ZNF281: variants seen among roughly 807,000 people sequenced by gnomAD.
The protein encoded by ZNF281 is zinc finger protein 281, also known as GC-box-binding zinc finger protein 1.
Under a neutral mutation model 58.8 loss-of-function variants are expected in ZNF281, and 2 were observed. The observed-to-expected ratio is 0.03, with a 90% CI of 0.01 to 0.11. The LOEUF is 0.11. Among genes scored for constraint, ZNF281 ranks in the 10% least tolerant of loss-of-function variants. ZNF281 has a pLI of 1.00. For synonymous variants in ZNF281, 465 were observed against 407.7 expected, an observed-to-expected ratio of 1.14 and a Z score of -1.69; for missense variants, 975 against 1,090.7, an observed-to-expected ratio of 0.89 and a Z score of 1.49.
At position 200,409,712 on chromosome 1, in the gene ZNF281, G is replaced by C. The variant is rs1434435862; in HGVS notation, c.-7C>G. On this transcript the variant is annotated 5_prime_UTR_variant, in exon 2 of 2. Transcript: ENST00000367353. ...ACCCACTGCCGATTTTCATACCCCGGAGGAGGCCTGGCTGAAGAAAGGAGG... is the reference window on the plus strand; with the variant it reads ...ACCCACTGCCGATTTTCATACCCCGCAGGAGGCCTGGCTGAAGAAAGGAGG... 1.9e-6 allele frequency: 3 copies of C among 1,594,318 alleles called. No homozygotes were observed. The highest frequency in any genetic ancestry group is 2.6e-6 in the Non-Finnish European group (3 of 1,172,950).
Position 200,409,359 on chromosome 1 carries a change from G to T in ZNF281, c.347C>A (p.Thr116Asn). The change falls in exon 2 of 2, where the codon ACC becomes AAC. Residue 116 changes from threonine (T) to asparagine (N), a missense_variant. Coordinates refer to ENST00000367353, the MANE Select transcript of ZNF281 (RefSeq NM_001281293.2). Reference sequence around the variant, plus strand: ...CAAAGACTGCAAGAACCCCCAGGAGGTCCTCTGCGAGGGGAAGGCCGCGGC... The same window carrying T: ...CAAAGACTGCAAGAACCCCCAGGAGTTCCTCTGCGAGGGGAAGGCCGCGGC... ...ASAAAFPSQR[T>N]SWGFLQSLVS... is the part of the protein sequence containing the mutation. 6.5e-7 allele frequency: 1 copy of T among 1,545,888 alleles called. No individual in the cohort carries two copies. The highest frequency in any genetic ancestry group is 8.7e-7 in the Non-Finnish European group (1 of 1,143,996).
rs777407427 is a variant in ZNF281 at position 200,407,737 on chromosome 1, G to A, written c.1969C>T (p.Pro657Ser). The A allele has an allele frequency of 7.4e-6, 12 of 1,614,154 alleles. No homozygotes were observed. Among genetic ancestry groups the A allele is most frequent in the Non-Finnish European group, 1.0e-5 (12 of 1,180,030 alleles). Residue 657 changes from proline (P) to serine (S), a missense_variant, in exon 2 of 2, where the codon CCT becomes TCT. Pro to Ser is a moderately conservative substitution (Grantham distance 74). Coordinates refer to ENST00000367353, the MANE Select transcript of ZNF281 (RefSeq NM_001281293.2). ...AACATACTTGCTTTATCATTTGAAG[G>A]TGTTTGGGTGCCTGGGCTCAAATTT... ...EENLSPGTQTPSNDKASMLQE... is the reference protein window; with the variant it reads ...EENLSPGTQTSSNDKASMLQE...
rs1326846848 is a variant in ZNF281, at chr1:200,406,760, G to A, written c.*258C>T. On this transcript the variant is annotated 3_prime_UTR_variant, in exon 2 of 2. Coordinates refer to ENST00000367353, the MANE Select transcript of ZNF281 (RefSeq NM_001281293.2). ...TAAAACATTTGGGCTATTCCCTGAC[G>A]ATCTATACATGTAAATTTGATTGCT... The A allele has an allele frequency of 1.4e-5, 4 of 294,166 alleles. No individual in the cohort carries two copies. Among genetic ancestry groups the A allele is most frequent in the Non-Finnish European group, 1.2e-5 (2 of 162,700 alleles). 18.2% of individuals were successfully genotyped at this position (294,166 alleles called of 1,614,324 possible).
chr1:200,408,404 C>T lies in ZNF281; in HGVS notation c.1302G>A (p.Met434Ile). 1 of 1,614,138 alleles carries T rather than the reference C, an allele frequency of 6.2e-7. No homozygotes were observed. Among genetic ancestry groups the T allele is most frequent in the Non-Finnish European group, 8.5e-7 (1 of 1,180,020 alleles). Reference sequence around the variant, plus strand: ...TAGGCATTTCTACTGAGTAACTCTGCATGTTTATATTATTTGAAATTTGCG... The same window carrying T: ...TAGGCATTTCTACTGAGTAACTCTGTATGTTTATATTATTTGAAATTTGCG... ...NESQISNNINMQSYSVEMPTV... is the reference protein window; with the variant it reads ...NESQISNNINIQSYSVEMPTV... Residue 434 changes from methionine to isoleucine, a missense_variant, in exon 2 of 2, where the codon ATG (methionine) becomes ATA (isoleucine). Physicochemically the swap from Met to Ile is conservative, Grantham distance 10. Transcript: ENST00000367353.
Position 200,407,911 on chromosome 1 carries a change from T to G in ZNF281, c.1795A>C (p.Lys599Gln). 1 of 1,614,160 alleles carries G rather than the reference T, an allele frequency of 6.2e-7. No individual in the cohort carries two copies. Among genetic ancestry groups the G allele is most frequent in the Non-Finnish European group, 8.5e-7 (1 of 1,180,024 alleles). Residue 599 changes from lysine (K) to glutamine (Q), a missense_variant, in exon 2 of 2, where the codon AAG (lysine) becomes CAG (glutamine). Transcript: ENST00000367353. Reference sequence around the variant, plus strand: ...AAAACCTCATCAGGAATTCCAGACTTGTCATGACAAGATTTAATTTCAGCA... The same window carrying G: ...AAAACCTCATCAGGAATTCCAGACTGGTCATGACAAGATTTAATTTCAGCA... The part of the protein sequence containing the change: ...LNAEIKSCHD[K>Q]SGIPDEVLQS...
Position 200,409,012 on chromosome 1 carries a change from T to C in ZNF281, c.694A>G (p.Lys232Glu). ...GATGCACTTGGCTTCCTCTTGGCTT[T>C]GATTCCCTGAGATTCTGGCTTTGGC... ...KRPKPESQGI[K>E]AKRKPSASSK... Residue 232 changes from lysine to glutamate, a missense_variant, in exon 2 of 2, where the codon AAA becomes GAA. Coordinates refer to ENST00000367353, the MANE Select transcript of ZNF281 (RefSeq NM_001281293.2). 2 of 1,614,264 alleles carry C rather than the reference T, an allele frequency of 1.2e-6. No homozygotes were observed. The highest frequency in any genetic ancestry group is 1.7e-6 in the Non-Finnish European group (2 of 1,180,052).
chr1:200,407,096 C>A lies in ZNF281; in HGVS notation c.2610G>T (p.Gly870=). 2 of 1,614,124 alleles carry A rather than the reference C, an allele frequency of 1.2e-6. No individual in the cohort carries two copies. The highest frequency in any genetic ancestry group is 1.7e-6 in the Non-Finnish European group (2 of 1,180,026). Residue 870 remains glycine, a synonymous_variant, in exon 2 of 2, where the codon GGG becomes GGT. Transcript: ENST00000367353. ...TTACATCAGACATCATATTTGTATA[C>A]CCTGAGAAATCTGACACTGAAGTCC... ...RVRTSVSDFS[G]YTNMMSDVSE...
rs916678469 is a variant in ZNF281, at chr1:200,409,431, G to C, written c.275C>G (p.Pro92Arg). Reference sequence around the variant, plus strand: ...GAAAGTCATGTCCGGGGCTGGCGGAGGGGGGGGCTCAGCGGCCGGGGCTGC... The same window carrying C: ...GAAAGTCATGTCCGGGGCTGGCGGACGGGGGGGCTCAGCGGCCGGGGCTGC... ...TSAAPAAEPP[P>R]PPAPDMTFKK... Residue 92 changes from proline (P) to arginine (R), a missense_variant, in exon 2 of 2, where the codon CCT becomes CGT. Transcript: ENST00000367353. 45 of 1,517,252 alleles carry C rather than the reference G, an allele frequency of 3.0e-5. No homozygotes were observed. The highest frequency in any genetic ancestry group is 6.4e-5 in the Admixed American group (3 of 46,968). The allele number at this position is 1,517,252 out of a possible 1,614,324, so 94.0% of individuals were successfully genotyped here.
At position 200,406,837 on chromosome 1, in the gene ZNF281, A is replaced by T. The variant is rs1485292434; in HGVS notation, c.*181T>A. On this transcript the variant is annotated 3_prime_UTR_variant, in exon 2 of 2. Coordinates refer to ENST00000367353, the MANE Select transcript of ZNF281 (RefSeq NM_001281293.2). ...TATTTTTAATCTATTGATTTTGATTAAAAATCATAATACAAACAGAGCTAA... is the reference window on the plus strand; with the variant it reads ...TATTTTTAATCTATTGATTTTGATTTAAAATCATAATACAAACAGAGCTAA... The T allele has an allele frequency of 7.6e-6, 4 of 528,488 alleles. No individual in the cohort carries two copies. The highest frequency in any genetic ancestry group is 3.2e-5 in the East Asian group (1 of 31,694). 32.7% of individuals were successfully genotyped at this position (528,488 alleles called of 1,614,324 possible). A position where few individuals can be genotyped will look rare whatever the true frequency, so the allele number is the denominator to read the frequency against.
Position 200,409,983 on chromosome 1 carries a change from T to G in ZNF281, c.-56A>C. The G allele has an allele frequency of 1.7e-6, 1 of 584,830 alleles. No homozygotes were observed. The highest frequency in any genetic ancestry group is 3.0e-6 in the Non-Finnish European group (1 of 331,846). 36.2% of individuals were successfully genotyped at this position (584,830 alleles called of 1,614,324 possible). Reference sequence around the variant, plus strand: ...CGCCGCAGCCGCCGTCGCCTCCAGTTAATAAAAATAACGCCGTCCTCTCCA... The same window carrying G: ...CGCCGCAGCCGCCGTCGCCTCCAGTGAATAAAAATAACGCCGTCCTCTCCA... On this transcript the variant is annotated 5_prime_UTR_variant, in exon 1 of 2. Transcript: ENST00000367353.
At position 200,409,433 on chromosome 1, in the gene ZNF281, G is replaced by A. The variant is rs561151390; in HGVS notation, c.273C>T (p.Pro91=). The change falls in exon 2 of 2, where the codon CCC becomes CCT. Residue 91 remains proline, a synonymous_variant. Transcript: ENST00000367353. ...STSAAPAAEP[P]PPPAPDMTFK... is the part of the protein sequence containing the mutation. ...AAGTCATGTCCGGGGCTGGCGGAGGGGGGGGCTCAGCGGCCGGGGCTGCGG... is the reference window on the plus strand; with the variant it reads ...AAGTCATGTCCGGGGCTGGCGGAGGAGGGGGCTCAGCGGCCGGGGCTGCGG... 1.3e-5 allele frequency: 20 copies of A among 1,523,576 alleles called. No individual in the cohort carries two copies. Among genetic ancestry groups the A allele is most frequent in the South Asian group, 1.1e-4 (9 of 80,866 alleles). 94.4% of individuals were successfully genotyped at this position (1,523,576 alleles called of 1,614,324 possible). A position where few individuals can be genotyped will look rare whatever the true frequency, so the allele number is the denominator to read the frequency against.
Position 200,408,022 on chromosome 1 carries a change from A to G in ZNF281, c.1684T>C (p.Ser562Pro), listed in dbSNP as rs1654500468. Residue 562 changes from serine to proline, a missense_variant, in exon 2 of 2, where the codon TCC becomes CCC. Physicochemically the swap from Ser to Pro is moderately conservative, Grantham distance 74. This residue lies in a region of ZNF281 where 579 missense variants were observed against 608.9 expected (regional missense o/e 0.95). Transcript: ENST00000367353. ...GCAGACTGAATGACAGACTGTTGGGAGACCATGTGTCCTACGTTTATAGAA... is the reference window on the plus strand; with the variant it reads ...GCAGACTGAATGACAGACTGTTGGGGGACCATGTGTCCTACGTTTATAGAA... ...AFSINVGHMV[S>P]QQSVIQSAGV... 6.2e-7 allele frequency: 1 copy of G among 1,614,210 alleles called. No individual in the cohort carries two copies. Among genetic ancestry groups the G allele is most frequent in the East Asian group, 2.2e-5 (1 of 44,892 alleles).
rs1478915868 is a variant in ZNF281, at chr1:200,409,091, G to A, written c.615C>T (p.Asp205=). ...VLLSSSSRTD[D]HHGTEEPKQD... is the part of the protein sequence containing the mutation. The stretch of plus-strand genomic sequence containing the variant: ...GCTTTGGCTCCTCAGTGCCATGGTG[G>A]TCATCAGTCCTGCTACTGCTGCTGA... The change falls in exon 2 of 2, where the codon GAC becomes GAT. Residue 205 remains aspartate, a synonymous_variant. Transcript: ENST00000367353. 1.2e-6 allele frequency: 2 copies of A among 1,614,158 alleles called. No individual in the cohort carries two copies. Among genetic ancestry groups the A allele is most frequent in the East Asian group, 4.5e-5 (2 of 44,886 alleles).
chr1:200,406,720 C>G lies in ZNF281; in HGVS notation c.*298G>C. 3.7e-5 allele frequency: 6 copies of G among 163,068 alleles called. No individual in the cohort carries two copies. The highest frequency in any genetic ancestry group is 1.4e-4 in the East Asian group (1 of 7,318). 10.1% of individuals were successfully genotyped at this position (163,068 alleles called of 1,614,324 possible). On this transcript the variant is annotated 3_prime_UTR_variant, in exon 2 of 2. Transcript: ENST00000367353. Reference sequence around the variant, plus strand: ...TTTTTTTTTTTTGGTTTTTTTTTGTCTTTTTTTTTGCGTTTAAAACATTTG... The same window carrying G: ...TTTTTTTTTTTTGGTTTTTTTTTGTGTTTTTTTTTGCGTTTAAAACATTTG...
chr1:200,408,155 GAGA>G lies in ZNF281; in HGVS notation c.1548_1550del (p.Leu517del), dbSNP rs1654507206. 2 of 1,613,872 alleles carry G rather than the reference GAGA, an allele frequency of 1.2e-6. No individual in the cohort carries two copies. The highest frequency in any genetic ancestry group is 2.7e-5 in the African/African-American group (2 of 74,884). The stretch of plus-strand genomic sequence containing the variant: ...GACCTTGTTTGCCACTTGTACTTTG[GAGA>G]AGACCAATGGTCTCCACACTATTAT... On this transcript the variant is annotated inframe_deletion, in exon 2 of 2. Transcript: ENST00000367353.
Position 200,408,269 on chromosome 1 carries a change from G to A in ZNF281, c.1437C>T (p.Tyr479=). ...CTGGTAATGGTGACACAAAGTTAAGGTAGTTTTTATCTGTATTCTTTCTGC... is the reference window on the plus strand; with the variant it reads ...CTGGTAATGGTGACACAAAGTTAAGATAGTTTTTATCTGTATTCTTTCTGC... ...KGSRKNTDKN[Y]LNFVSPLPDI... is the part of the protein sequence containing the mutation. Residue 479 remains tyrosine, a synonymous_variant, in exon 2 of 2, where the codon TAC becomes TAT. Transcript: ENST00000367353. 6.2e-7 allele frequency: 1 copy of A among 1,611,400 alleles called. No individual in the cohort carries two copies. The highest frequency in any genetic ancestry group is 2.2e-5 in the East Asian group (1 of 44,886).
At position 200,405,500 on chromosome 1, in the gene ZNF281, C is replaced by T. The variant is rs1358760775; in HGVS notation, c.*1518G>A. The T allele has an allele frequency of 6.6e-6, 1 of 151,926 alleles. No homozygotes were observed. Among genetic ancestry groups the T allele is most frequent in the Non-Finnish European group, 1.5e-5 (1 of 67,974 alleles). 9.4% of individuals were successfully genotyped at this position (151,926 alleles called of 1,614,324 possible). ...AAGAGTACATAAGACTGAAACATCA[C>T]CAAAAGTACATAAAAAACTCATCAG... On this transcript the variant is annotated 3_prime_UTR_variant, in exon 2 of 2. Transcript: ENST00000367353.
chr1:200,409,783 C>A, intron 1 of ZNF281, 60 bp from the exon 2 acceptor site: 3 of 1,507,398 alleles, frequency 2.0e-6, no homozygotes, highest in Middle Eastern at 2.4e-4. Context: ...GGGCCCCGGG[C>A]CGGGACCACC....
In ZNF281 at chr1:200,408,267, A is replaced by G; in HGVS notation, c.1439T>C (p.Leu480Pro). The G allele has an allele frequency of 6.2e-7, 1 of 1,611,506 alleles. No individual in the cohort carries two copies. The highest frequency in any genetic ancestry group is 8.5e-7 in the Non-Finnish European group (1 of 1,180,006). ...GTCTGGTAATGGTGACACAAAGTTA[A>G]GGTAGTTTTTATCTGTATTCTTTCT... ...GSRKNTDKNY[L>P]NFVSPLPDIV... Residue 480 changes from leucine (L) to proline (P), a missense_variant, in exon 2 of 2, where the codon CTT becomes CCT. Transcript: ENST00000367353.
Sources: allele counts gnomAD v4.1 joint callset, GRCh38; gene constraint gnomAD v4.1.1; regional missense constraint gnomAD v4.1.1; transcripts MANE v1.5; gene names NCBI Gene and HGNC (gene_info 2026-07-23, HGNC 2026-07-21).